STAG1: variants seen among roughly 807,000 people sequenced by gnomAD.
The protein encoded by STAG1 is STAG1 cohesin complex component.
STAG1 carries 26 observed loss-of-function variants against 170.9 expected under a neutral mutation model. That is an observed-to-expected ratio of 0.15 (90% confidence interval 0.11 to 0.21). The LOEUF is 0.21. Among genes scored for constraint, STAG1 ranks in the 10% least tolerant of loss-of-function variants. The pLI is 1.00. For synonymous variants in STAG1, 514 were observed against 497.7 expected (o/e 1.03, Z -0.44); for missense variants, 964 against 1,509.5 (o/e 0.64, Z 5.99).
chr3:136,486,505 A>G (rs952175987), intron 9 of STAG1, among the ~76,000 whole-genome samples: 8 of 152,212 alleles, frequency 5.3e-5, no homozygotes, highest in African/African-American at 1.9e-4. Flanking sequence ...TAGCTCTTTC[A>G]GTCCTACCAA....
At chr3:136,740,170 G>C (rs1162737235) in intron 1 of STAG1, among the ~76,000 whole-genome samples, 1 of 152,154 alleles carries the variant, frequency 6.6e-6, no homozygotes, top group African/African-American at 2.4e-5. Flanking sequence ...AGAATCGCTT[G>C]AGGCGGAGGT....
chr3:136,509,041 T>C (rs1238944573), intron 7 of STAG1, among the ~76,000 whole-genome samples: 1 of 152,160 alleles, frequency 6.6e-6, no homozygotes, highest in Non-Finnish European at 1.5e-5. Flanking sequence ...GAAAGAAATT[T>C]TGAAGTAATG....
chr3:136,667,588 C>T (rs994733879), intron 1 of STAG1, among the ~76,000 whole-genome samples: 1 of 152,086 alleles, frequency 6.6e-6, no homozygotes, highest in Non-Finnish European at 1.5e-5. Context: ...CCTCCGCCTC[C>T]CAAGCTCCAG....
chr3:136,742,724 A>G (rs906015029), intron 1 of STAG1, among the ~76,000 whole-genome samples: 2 of 152,002 alleles, frequency 1.3e-5, no homozygotes, highest in Non-Finnish European at 2.9e-5. Context: ...CAAAAAAAAA[A>G]AAAAGAAAAG....
At chr3:136,699,858 G>C (rs900244327) in intron 1 of STAG1, among the ~76,000 whole-genome samples, 6 of 151,954 alleles carry the variant, frequency 3.9e-5, no homozygotes, top group Admixed American at 2.6e-4. Context: ...CCACATCCCA[G>C]GTTTTTCTGA....
intron 21 of STAG1, among the ~76,000 whole-genome samples, chr3:136,409,789 T>C (rs1264536318): frequency 6.6e-6 from 1 of 152,106 alleles, no homozygotes; most frequent in African/African-American, 2.4e-5. Context: ...TGAAAAAAGA[T>C]AAATTCAGCT....
At chr3:136,421,213 T>G (rs1360706386) in intron 19 of STAG1, 50 bp from the exon 20 acceptor site, 1 of 1,202,682 alleles carries the variant, frequency 8.3e-7, no homozygotes, top group Non-Finnish European at 1.2e-6. Flanking sequence ...CACCTTATAG[T>G]ATATTACTAC....
chr3:136,696,245 T>G (rs1047252595), intron 1 of STAG1, among the ~76,000 whole-genome samples: 2 of 152,198 alleles, frequency 1.3e-5, no homozygotes, highest in Non-Finnish European at 2.9e-5. Context: ...TAGGTAAAAC[T>G]GGGCTTAAGT....
chr3:136,528,587 A>G (rs1935200818), intron 6 of STAG1, among the ~76,000 whole-genome samples: 1 of 151,396 alleles, frequency 6.6e-6, no homozygotes, highest in Non-Finnish European at 1.5e-5. Context: ...ATTCTGAAAA[A>G]CAATACAGAG....
At chr3:136,547,285 C>T (rs113377902) in intron 5 of STAG1, among the ~76,000 whole-genome samples, 177 of 152,230 alleles carry the variant, frequency 1.2e-3, no homozygotes, top group African/African-American at 2.5e-3. Flanking sequence ...ATACTGATAA[C>T]ATTAATAACT....
intron 14 of STAG1, among the ~76,000 whole-genome samples, chr3:136,445,077 A>C (rs56381882): frequency 0.084 from 12,183 of 144,460 alleles, 1,636 homozygotes; most frequent in African/African-American, 0.29. Flanking sequence ...GGCTGGTTTC[A>C]GTGTGAATTT....
At chr3:136,735,933 C>G (rs538815819) in intron 1 of STAG1, among the ~76,000 whole-genome samples, 6 of 152,304 alleles carry the variant, frequency 3.9e-5, no homozygotes, top group Admixed American at 3.9e-4. Context: ...TCATGCCACG[C>G]TGATTGGTCA....
intron 12 of STAG1, among the ~76,000 whole-genome samples, chr3:136,469,750 G>C (rs1348316166): frequency 6.6e-6 from 1 of 152,032 alleles, no homozygotes; most frequent in Non-Finnish European, 1.5e-5. Flanking sequence ...CAAGGCTACA[G>C]TAACCAAAAC....
At chr3:136,646,008 C>G (rs28390205) in intron 1 of STAG1, among the ~76,000 whole-genome samples, 25,147 of 152,230 alleles carry the variant, frequency 0.17, 2,476 homozygotes, top group Non-Finnish European at 0.22. Context: ...CTACACTCCA[C>G]AGCCCGACAC....
intron 1 of STAG1, among the ~76,000 whole-genome samples, chr3:136,653,761 C>T (rs1312882812): frequency 6.6e-6 from 1 of 152,146 alleles, no homozygotes; most frequent in South Asian, 2.1e-4. Context: ...AGTTGTCAAA[C>T]TGAATCCAGA....
intron 1 of STAG1, among the ~76,000 whole-genome samples, chr3:136,745,623 T>TGATAAAGCTAGCTCACCTGCCTCTC (rs1485416761): frequency 6.6e-6 from 1 of 152,296 alleles, no homozygotes; most frequent in East Asian, 1.9e-4. Context: ...GGAGCACAGG[T>TGATAAAGCTAGCTCACCTGCCTCTC]GATAAAGCTA....
intron 3 of STAG1, among the ~76,000 whole-genome samples, chr3:136,614,153 T>C (rs1464862849): frequency 1.3e-5 from 2 of 152,026 alleles, no homozygotes; most frequent in East Asian, 1.9e-4. Flanking sequence ...GAGGCGGAGG[T>C]TGCAGTGAGC....
intron 4 of STAG1, among the ~76,000 whole-genome samples, chr3:136,582,925 C>CA (rs751684341): frequency 6.6e-6 from 1 of 151,902 alleles, no homozygotes; most frequent in Non-Finnish European, 1.5e-5. Context: ...AGAAAAGAAT[C>CA]AAAAAAAGGT....
At chr3:136,697,242 T>C (rs1942923525) in intron 1 of STAG1, among the ~76,000 whole-genome samples, 1 of 152,226 alleles carries the variant, frequency 6.6e-6, no homozygotes, top group African/African-American at 2.4e-5. Context: ...ATGAACTTAG[T>C]TTTCTCACTT....
Sources: gnomAD v4.1 joint callset for allele counts (sites outside exome capture counted in the v4.1 genomes callset) on GRCh38, gnomAD v4.1.1 for gene constraint, MANE v1.5 for transcripts, NCBI Gene and HGNC (gene_info 2026-07-23, HGNC 2026-07-21) for gene names.